The following RANBP17 variants were observed in gnomAD, a reference collection of about 807,000 sequenced individuals.
RANBP17 encodes the protein RAN binding protein 17, also known as ran-binding protein 17.
Under a neutral mutation model 141.2 loss-of-function variants are expected in RANBP17, and 158 were observed. The observed-to-expected ratio is 1.12, with a 90% CI of 0.98 to 1.28. RANBP17 has a LOEUF of 1.28. Among genes scored for constraint, RANBP17 ranks in the 50% most tolerant of loss-of-function variants. The pLI is 0.00. For synonymous variants in RANBP17, 430 were observed against 450.0 expected (o/e 0.96, Z 0.56); for missense variants, 1,438 against 1,290.7 (o/e 1.11, Z -1.75).
At chr5:171,099,814 G>C (rs1412950904) in intron 14 of RANBP17, among the ~76,000 whole-genome samples, 3 of 152,126 alleles carry the variant, frequency 2.0e-5, no homozygotes, top group Admixed American at 6.5e-5. Context: ...TAGCATGAAG[G>C]GGTGTTGAAT....
At chr5:171,181,455 A>C (rs1760854174) in intron 16 of RANBP17, among the ~76,000 whole-genome samples, 1 of 131,460 alleles carries the variant, frequency 7.6e-6, no homozygotes, top group East Asian at 2.5e-4. Context: ...CTGTCTCAGA[A>C]AAAAAAAAAA....
chr5:171,136,705 A>G (rs1477442173), intron 14 of RANBP17, among the ~76,000 whole-genome samples: 3 of 152,162 alleles, frequency 2.0e-5, no homozygotes, highest in African/African-American at 7.2e-5. Context: ...TGGTATATGT[A>G]GATATGTATT....
At chr5:170,933,326 C>T (rs143318718) in intron 12 of RANBP17, among the ~76,000 whole-genome samples, 4,591 of 152,012 alleles carry the variant, frequency 0.03, 231 homozygotes, top group African/African-American at 0.1. Context: ...GTCTTACTAG[C>T]GGTCTATCAA....
intron 22 of RANBP17, among the ~76,000 whole-genome samples, 160 bp downstream of exon 22, chr5:171,222,000 C>T (rs2127982062): frequency 6.6e-6 from 1 of 152,310 alleles, no homozygotes; most frequent in South Asian, 2.1e-4. Flanking sequence ...ATATTGGCAT[C>T]AGGAGAAGTA....
intron 16 of RANBP17, among the ~76,000 whole-genome samples, chr5:171,172,639 G>A (rs1760178970): frequency 6.6e-6 from 1 of 151,472 alleles, no homozygotes; most frequent in African/African-American, 2.4e-5. Context: ...TTTTCACAAT[G>A]AATTACTTTG....
At chr5:170,890,340 T>A (rs1769493659) in intron 3 of RANBP17, among the ~76,000 whole-genome samples, 2 of 152,342 alleles carry the variant, frequency 1.3e-5, no homozygotes, top group South Asian at 4.1e-4. Context: ...ACCATATTAC[T>A]GTGATTCGTA....
intron 14 of RANBP17, among the ~76,000 whole-genome samples, chr5:171,006,634 T>TA (rs1285512351): frequency 1.3e-5 from 2 of 151,724 alleles, no homozygotes; most frequent in Non-Finnish European, 2.9e-5. Flanking sequence ...TTAGGAGATA[T>TA]ACCTAATGTT....
intron 14 of RANBP17, among the ~76,000 whole-genome samples, chr5:171,129,474 G>A (rs1025549886): frequency 6.6e-6 from 1 of 152,058 alleles, no homozygotes; most frequent in African/African-American, 2.4e-5. Context: ...GCCACCACTC[G>A]CTTCAATCTG....
intron 14 of RANBP17, among the ~76,000 whole-genome samples, chr5:171,022,105 C>T (rs572454297): frequency 2.4e-4 from 37 of 152,214 alleles, no homozygotes; most frequent in Admixed American, 2.2e-3. Context: ...CCTCTTCATC[C>T]GGTTCACTCC....
chr5:170,981,085 T>G (rs1460951931), intron 14 of RANBP17, among the ~76,000 whole-genome samples: 1 of 129,778 alleles, frequency 7.7e-6, no homozygotes, highest in Non-Finnish European at 1.7e-5. Context: ...GATTTCAAAC[T>G]TGCATGGGGC....
intron 14 of RANBP17, among the ~76,000 whole-genome samples, chr5:171,009,472 A>G (rs1441963356): frequency 6.6e-6 from 1 of 152,136 alleles, no homozygotes; most frequent in Non-Finnish European, 1.5e-5. Flanking sequence ...TAATATACAG[A>G]TATTTTTATT....
chr5:171,167,678 G>A lies in RANBP17; in HGVS notation c.1711-2452G>A, dbSNP rs926855157. Among the ~76,000 whole-genome samples the A allele has an allele frequency of 2.1e-4, 32 of 152,230 alleles. 1 individual carries two copies. The highest frequency in any genetic ancestry group is 2.1e-3 in the Admixed American group (32 of 15,286). ...ACGTGCCTTTTAAATTCCAGTCAGA[G>A]TTAAGGGCACACAGTCTCTGGCCCT... On this transcript the variant is annotated intron_variant, in intron 14 of 27. Coordinates refer to ENST00000523189, the MANE Select transcript of RANBP17 (RefSeq NM_022897.5).
At chr5:171,235,614 A>T (rs1157534521) in intron 22 of RANBP17, among the ~76,000 whole-genome samples, 2 of 152,032 alleles carry the variant, frequency 1.3e-5, no homozygotes, top group Non-Finnish European at 2.9e-5. Flanking sequence ...ACACACATAT[A>T]TTTTTTCAAG....
intron 14 of RANBP17, among the ~76,000 whole-genome samples, chr5:171,145,536 ATACTTTTATCAACAGCTGT>A (rs1190662182): frequency 3.3e-5 from 5 of 152,150 alleles, no homozygotes; most frequent in Admixed American, 6.6e-5. Flanking sequence ...CTGGTCCTCC[ATACTTTTATCAACAGCTGT>A]TTTGGAGATT....
At chr5:170,970,390 T>C (rs1288570414) in intron 14 of RANBP17, 1 of 152,092 alleles carries the variant, frequency 6.6e-6, no homozygotes, top group Non-Finnish European at 1.5e-5. Flanking sequence ...AGAGTATGAC[T>C]TCAAGGTTCT....
At position 171,232,014 on chromosome 5, in the gene RANBP17, A is replaced by T. The variant is rs180730486; in HGVS notation, c.2423-8914A>T. ...CAACCATTAAAAATTATCTTTTAAG[A>T]TTACCTAGCTTATGGGAAATACAAA... On this transcript the variant is annotated intron_variant, in intron 22 of 27. Coordinates refer to ENST00000523189, the MANE Select transcript of RANBP17 (RefSeq NM_022897.5). 3.6e-3 allele frequency among the ~76,000 whole-genome samples: 554 copies of T among 152,340 alleles called. 2 individuals carry two copies. Among genetic ancestry groups the T allele is most frequent in the South Asian group, 6.4e-3 (31 of 4,828 alleles).
intron 14 of RANBP17, among the ~76,000 whole-genome samples, chr5:171,062,473 G>C (rs1386364490): frequency 6.6e-6 from 1 of 152,024 alleles, no homozygotes; most frequent in South Asian, 2.1e-4. Context: ...TCTTTAATAT[G>C]GTTGAATATT....
chr5:171,141,257 A>G (rs1757671246), intron 14 of RANBP17, among the ~76,000 whole-genome samples: 1 of 152,038 alleles, frequency 6.6e-6, no homozygotes, highest in South Asian at 2.1e-4. Flanking sequence ...TACAAGTTCA[A>G]TTGAGTTAGT....
At position 171,279,214 on chromosome 5, in the gene RANBP17, C is replaced by T. The variant is rs554603387; in HGVS notation, c.2943+13367C>T. Among the ~76,000 whole-genome samples the T allele has an allele frequency of 1.1e-4, 17 of 152,272 alleles. 1 individual carries two copies. The South Asian group carries it at 3.3e-3, about 30-fold the overall frequency. ...GGCCCCAAACTGACTTTTTTCTTACCTGTTCCTCCTGCATACTTCAGGCAT... is the reference window on the plus strand; with the variant it reads ...GGCCCCAAACTGACTTTTTTCTTACTTGTTCCTCCTGCATACTTCAGGCAT... On this transcript the variant is annotated intron_variant, in intron 25 of 27. Coordinates refer to ENST00000523189, the MANE Select transcript of RANBP17 (RefSeq NM_022897.5).
Sources: allele counts gnomAD v4.1 joint callset (sites outside exome capture counted in the v4.1 genomes callset), GRCh38; gene constraint gnomAD v4.1.1; transcripts MANE v1.5; gene names NCBI Gene and HGNC (gene_info 2026-07-23, HGNC 2026-07-21).